RGS21: variants seen among roughly 807,000 people sequenced by gnomAD.
RGS21 encodes the protein regulator of G-protein signalling 21.
In RGS21, 19 loss-of-function variants were observed where a neutral mutation model predicts 18.7. That is an observed-to-expected ratio of 1.01 (90% CI 0.71 to 1.49). The LOEUF (loss-of-function observed/expected upper bound fraction) is 1.49. RGS21 is among the 40% of genes most tolerant of loss of function. The probability of loss-of-function intolerance (pLI) is 0.00; values close to 1 mark genes in which losing one functional copy is unlikely to be tolerated. For missense variants in RGS21, 194 were observed against 176.8 expected, an observed-to-expected ratio of 1.10 and a Z score of -0.55; for synonymous variants, 56 against 57.8, an observed-to-expected ratio of 0.97 and a Z score of 0.14.
At chr1:192,327,266 A>C (rs1658581054) in intron 1 of RGS21, among the ~76,000 whole-genome samples, 1 of 152,140 alleles carries the variant, frequency 6.6e-6, no homozygotes, top group Non-Finnish European at 1.5e-5. Flanking sequence ...AAATGTGCAG[A>C]GTTCAGGAAA....
rs144375565 is a variant in RGS21, at chr1:192,324,493, A to G, written c.-61+7388A>G. 1.7e-3 allele frequency among the ~76,000 whole-genome samples: 253 copies of G among 152,218 alleles called. 1 individual carries two copies. The highest frequency in any genetic ancestry group is 5.5e-3 in the African/African-American group (227 of 41,564). On this transcript the variant is annotated intron_variant, in intron 1 of 4. Transcript: ENST00000417209. ...GACTTCTTGTTCCCTTAAGAAGAGT[A>G]TTTCATTTCAATGTGAATTTCACAT... is the stretch of plus-strand genomic sequence containing the variant.
chr1:192,335,177 A>T (rs1470785280), intron 1 of RGS21, among the ~76,000 whole-genome samples: 2 of 152,180 alleles, frequency 1.3e-5, no homozygotes, highest in Non-Finnish European at 2.9e-5. Context: ...GAAATTTTAA[A>T]TCGTGAAAGA....
At chr1:192,327,468 A>AT (rs1162979666) in intron 1 of RGS21, among the ~76,000 whole-genome samples, 1 of 151,416 alleles carries the variant, frequency 6.6e-6, no homozygotes, top group Non-Finnish European at 1.5e-5. Flanking sequence ...TTTTTTTTTA[A>AT]TTTTTTTATT....
chr1:192,354,101 A>G lies in RGS21; in HGVS notation c.255+1888A>G, dbSNP rs975479112. ...ATTGCAATCTTCAAGGTATTTCTCT[A>G]TAGTTCATCAGTTATGTGTTATAGT... On this transcript the variant is annotated intron_variant, in intron 4 of 4. Transcript: ENST00000417209. Among the ~76,000 whole-genome samples the G allele has an allele frequency of 6.6e-5, 10 of 151,822 alleles. No individual in the cohort carries two copies. In the East Asian group the frequency reaches 1.7e-3, roughly 26 times the overall value.
At chr1:192,355,095 G>A (rs897374452) in intron 4 of RGS21, among the ~76,000 whole-genome samples, 2 of 151,626 alleles carry the variant, frequency 1.3e-5, no homozygotes, top group African/African-American at 2.4e-5. Flanking sequence ...TTAGTATGAT[G>A]TAGCAGAAAA....
Position 192,317,075 on chromosome 1 carries a change from AG to A in RGS21, c.-89del, listed in dbSNP as rs1435343750. The A allele has an allele frequency of 6.6e-6, 1 of 151,946 alleles. No homozygotes were observed. The highest frequency in any genetic ancestry group is 2.4e-5 in the African/African-American group (1 of 41,434). 9.4% of individuals were successfully genotyped at this position (151,946 alleles called of 1,614,324 possible). On this transcript the variant is annotated 5_prime_UTR_variant, in exon 1 of 5. Transcript: ENST00000417209. ...CAACAAAGAAGGAATCAAGAGAGCA[AG>A]GACAGTGATTTCCCCTGCATTGCAT...
At chr1:192,361,957 A>T (rs181059015) in intron 4 of RGS21, among the ~76,000 whole-genome samples, 98 of 152,304 alleles carry the variant, frequency 6.4e-4, no homozygotes, top group Non-Finnish European at 3.7e-4. Context: ...CTTAAGGTAA[A>T]TGATAAAGGT....
At chr1:192,358,102 TC>T (rs1329391912) in intron 4 of RGS21, among the ~76,000 whole-genome samples, 1 of 152,002 alleles carries the variant, frequency 6.6e-6, no homozygotes, top group Non-Finnish European at 1.5e-5. Flanking sequence ...TTTTTAGCCA[TC>T]CGTACACGTT....
rs1571466502 is a variant in RGS21, at chr1:192,365,974, A to G, written c.309A>G (p.Pro103=). ...TCATCTCAAAGAATATTGCTGAACC[A>G]ACACTCAAATGCTTTGATGAGGCTC... ...RDLISKNIAE[P]TLKCFDEAQK... Residue 103 remains proline (P), a synonymous_variant, in exon 5 of 5, where the codon CCA becomes CCG. Transcript: ENST00000417209. 7.4e-6 allele frequency: 12 copies of G among 1,610,788 alleles called. No homozygotes were observed. The highest frequency in any genetic ancestry group is 1.0e-5 in the Non-Finnish European group (12 of 1,177,586).
intron 1 of RGS21, among the ~76,000 whole-genome samples, chr1:192,325,535 T>C (rs541604418): frequency 6.6e-6 from 1 of 152,220 alleles, no homozygotes; most frequent in Admixed American, 6.6e-5. Context: ...ATCTCCAAAC[T>C]GCATGGCACA....
chr1:192,361,642 T>C (rs1213218246), intron 4 of RGS21, among the ~76,000 whole-genome samples: 3 of 151,904 alleles, frequency 2.0e-5, no homozygotes, highest in African/African-American at 7.3e-5. Flanking sequence ...AACTCCTGGG[T>C]TCAAGCAATT....
At chr1:192,358,828 G>A (rs906054642) in intron 4 of RGS21, among the ~76,000 whole-genome samples, 6 of 152,114 alleles carry the variant, frequency 3.9e-5, no homozygotes, top group African/African-American at 1.2e-4. Flanking sequence ...GACTGCTGGT[G>A]TAGAGAAAAT....
chr1:192,348,205 T>C (rs952799292), intron 3 of RGS21, among the ~76,000 whole-genome samples: 8 of 151,964 alleles, frequency 5.3e-5, no homozygotes, highest in South Asian at 2.1e-4. Context: ...TGTGTATTTT[T>C]AGTAGAGACA....
chr1:192,329,899 G>A (rs1658620611), intron 1 of RGS21, among the ~76,000 whole-genome samples: 1 of 152,114 alleles, frequency 6.6e-6, no homozygotes, highest in Non-Finnish European at 1.5e-5. Context: ...CTAATTCAGT[G>A]ATAAATTTCA....
At position 192,366,197 on chromosome 1, in the gene RGS21, C is replaced by A; in HGVS notation, c.*73C>A. On this transcript the variant is annotated 3_prime_UTR_variant, in exon 5 of 5. Transcript: ENST00000417209. ...TAAATATACAAGCATGATGCATTGTCTTTTGTTTTGTTTTTAGGATTTAGA... is the reference window on the plus strand; with the variant it reads ...TAAATATACAAGCATGATGCATTGTATTTTGTTTTGTTTTTAGGATTTAGA... 1 of 900,598 alleles carries A rather than the reference C, an allele frequency of 1.1e-6. No homozygotes were observed. The highest frequency in any genetic ancestry group is 1.7e-6 in the Non-Finnish European group (1 of 574,144). 55.8% of individuals were successfully genotyped at this position (900,598 alleles called of 1,614,324 possible). A position where few individuals can be genotyped will look rare whatever the true frequency, so the allele number is the denominator to read the frequency against.
intron 1 of RGS21, among the ~76,000 whole-genome samples, chr1:192,337,604 C>T (rs1344518529): frequency 6.6e-5 from 10 of 151,908 alleles, no homozygotes; most frequent in East Asian, 1.9e-4. Context: ...TGTGTATACA[C>T]GATGGCAACA....
intron 4 of RGS21, among the ~76,000 whole-genome samples, chr1:192,359,728 A>G (rs1419679314): frequency 1.4e-5 from 2 of 146,272 alleles, no homozygotes; most frequent in African/African-American, 2.5e-5. Flanking sequence ...TTTCAGAGTT[A>G]TATATAGAGA....
intron 4 of RGS21, among the ~76,000 whole-genome samples, chr1:192,358,092 T>C (rs556610883): frequency 6.6e-6 from 1 of 152,144 alleles, no homozygotes; most frequent in East Asian, 1.9e-4. Flanking sequence ...TGTATATCTA[T>C]TTTTAGCCAT....
rs146844857 is a variant in RGS21 at position 192,325,327 on chromosome 1, G to A, written c.-61+8222G>A. On this transcript the variant is annotated intron_variant, in intron 1 of 4. Transcript: ENST00000417209. ...TTGGTTTTTGTTTTATAGCTGTGGA[G>A]TTTTCTATGGTATATATGTAGCATA... Among the ~76,000 whole-genome samples, 181 of 152,148 alleles carry A rather than the reference G, an allele frequency of 1.2e-3. 1 individual carries two copies. In the Middle Eastern group the frequency reaches 0.024, roughly 20 times the overall value.
Sources: gnomAD v4.1 joint callset for allele counts (sites outside exome capture counted in the v4.1 genomes callset) on GRCh38, gnomAD v4.1.1 for gene constraint, MANE v1.5 for transcripts, NCBI Gene and HGNC (gene_info 2026-07-23, HGNC 2026-07-21) for gene names.